ZEB1: variants seen among roughly 807,000 people sequenced by gnomAD.
The protein encoded by ZEB1 is zinc finger E-box-binding homeobox 1.
ZEB1 carries 21 observed loss-of-function variants against 84.9 expected under a neutral mutation model. The ratio of observed to expected loss-of-function variants is 0.25; its 90% CI spans 0.18 to 0.36. The LOEUF (loss-of-function observed/expected upper bound fraction) is 0.36, where lower values mean the gene tolerates loss of function less well. ZEB1 is among the 10% of genes least tolerant of loss of function. The pLI is 1.00. For missense variants in ZEB1, 1,104 were observed against 1,330.2 expected (o/e 0.83, Z 2.65); for synonymous variants, 420 against 471.1 (o/e 0.89, Z 1.41).
At chr10:31,328,866 G>A (rs1156746991) in intron 1 of ZEB1, among the ~76,000 whole-genome samples, 2 of 152,072 alleles carry the variant, frequency 1.3e-5, no homozygotes, top group Non-Finnish European at 1.5e-5. Flanking sequence ...AATAGTCTAA[G>A]CAACATGGAG....
chr10:31,501,841 C>G (rs896825591), intron 3 of ZEB1, among the ~76,000 whole-genome samples: 1 of 152,178 alleles, frequency 6.6e-6, no homozygotes, highest in African/African-American at 2.4e-5. Flanking sequence ...CGCTCGCTCT[C>G]AAATTATTCT....
intron 2 of ZEB1, among the ~76,000 whole-genome samples, chr10:31,474,781 A>G (rs2063823888): frequency 6.6e-6 from 1 of 152,134 alleles, no homozygotes; most frequent in South Asian, 2.1e-4. Flanking sequence ...TTGAGGCACT[A>G]TTCACAATAG....
chr10:31,488,642 C>A (rs1164281532), intron 2 of ZEB1, among the ~76,000 whole-genome samples: 1 of 150,816 alleles, frequency 6.6e-6, no homozygotes, highest in Admixed American at 6.6e-5. Context: ...CTGAGACCTT[C>A]TTTTCTAGCA....
intron 2 of ZEB1, among the ~76,000 whole-genome samples, chr10:31,487,164 G>T (rs866478804): frequency 2.0e-5 from 3 of 151,360 alleles, no homozygotes; most frequent in African/African-American, 4.8e-5. Context: ...ACTGTAGCTT[G>T]ATAGTAAGTC....
At chr10:31,337,043 C>CA (rs922906916) in intron 1 of ZEB1, among the ~76,000 whole-genome samples, 1 of 151,292 alleles carries the variant, frequency 6.6e-6, no homozygotes, top group Non-Finnish European at 1.5e-5. Context: ...AATAACAAAA[C>CA]AAAAAAATAA....
intron 1 of ZEB1, among the ~76,000 whole-genome samples, chr10:31,449,015 G>A (rs1401984695): frequency 1.3e-5 from 2 of 152,210 alleles, no homozygotes; most frequent in Non-Finnish European, 2.9e-5. Flanking sequence ...CCCCAGCCTC[G>A]CTGCCGCCTT....
chr10:31,481,912 A>G (rs531849239), intron 2 of ZEB1, among the ~76,000 whole-genome samples: 1 of 152,210 alleles, frequency 6.6e-6, no homozygotes, highest in Non-Finnish European at 1.5e-5. Flanking sequence ...GTAAATATGG[A>G]AATGGAGACT....
chr10:31,400,060 A>G (rs161280), intron 1 of ZEB1, among the ~76,000 whole-genome samples: 14,445 of 151,998 alleles, frequency 0.095, 1,127 homozygotes, highest in African/African-American at 0.22. Context: ...GATTTCCCCT[A>G]CTTCACCCCA....
intron 6 of ZEB1, among the ~76,000 whole-genome samples, chr10:31,515,371 G>A (rs542541299): frequency 9.2e-5 from 14 of 152,062 alleles, no homozygotes; most frequent in South Asian, 4.1e-4. Context: ...GAACAAAAGC[G>A]CAAAAGGAAA....
chr10:31,452,701 ATGTGTGTGTGTGTGTG>A (rs377004895), intron 1 of ZEB1, among the ~76,000 whole-genome samples: 2 of 90,250 alleles, frequency 2.2e-5, no homozygotes, highest in Admixed American at 1.1e-4. Context: ...TTAGGATAAA[ATGTGTGTGTGTGTGTG>A]TGTGTGTGTG....
intron 3 of ZEB1, among the ~76,000 whole-genome samples, chr10:31,496,627 T>C (rs1028805917): frequency 1.3e-5 from 2 of 152,076 alleles, no homozygotes; most frequent in Admixed American, 1.3e-4. Flanking sequence ...CCTCAAAATA[T>C]TATACTTAAA....
intron 4 of ZEB1, among the ~76,000 whole-genome samples, chr10:31,504,029 T>G (rs1030010231): frequency 1.3e-5 from 2 of 152,054 alleles, no homozygotes; most frequent in African/African-American, 4.8e-5. Context: ...AGCAATAAAG[T>G]CTTTGCCTAC....
At chr10:31,434,380 ATTACT>A (rs1246971170) in intron 1 of ZEB1, among the ~76,000 whole-genome samples, 6 of 152,350 alleles carry the variant, frequency 3.9e-5, no homozygotes, top group Middle Eastern at 3.4e-3. Context: ...AACTAGATAA[ATTACT>A]TAACTTATTT....
At chr10:31,490,115 T>G (rs1257327040) in intron 2 of ZEB1, among the ~76,000 whole-genome samples, 1 of 151,628 alleles carries the variant, frequency 6.6e-6, no homozygotes, top group African/African-American at 2.4e-5. Flanking sequence ...AGTATTTTTT[T>G]AAACTAGTTT....
chr10:31,514,811 A>G, intron 6 of ZEB1, 103 bp downstream of exon 6: 1 of 984,460 alleles, frequency 1.0e-6, no homozygotes, highest in Non-Finnish European at 1.5e-6. Flanking sequence ...AACTCCTTGC[A>G]TTTCTTTTGG....
chr10:31,333,880 T>C (rs1375301507), intron 1 of ZEB1, among the ~76,000 whole-genome samples: 2 of 152,030 alleles, frequency 1.3e-5, no homozygotes, highest in Non-Finnish European at 2.9e-5. Context: ...TTCCTGACAC[T>C]ACTAACCAAT....
intron 1 of ZEB1, among the ~76,000 whole-genome samples, chr10:31,441,199 C>G (rs2058928979): frequency 6.6e-6 from 1 of 152,066 alleles, no homozygotes; most frequent in African/African-American, 2.4e-5. Flanking sequence ...GTACTGGTAC[C>G]AAAACAGAGA....
chr10:31,435,959 G>A (rs1412910481), intron 1 of ZEB1, among the ~76,000 whole-genome samples: 1 of 152,120 alleles, frequency 6.6e-6, no homozygotes, highest in African/African-American at 2.4e-5. Flanking sequence ...GATGATAGAC[G>A]GGATATGAGT....
chr10:31,489,516 GT>G (rs1295130138), intron 2 of ZEB1, among the ~76,000 whole-genome samples: 4 of 150,812 alleles, frequency 2.7e-5, no homozygotes, highest in Non-Finnish European at 5.9e-5. Flanking sequence ...TTTATTATTT[GT>G]TTTTTGTTTT....
Sources: allele counts gnomAD v4.1 joint callset (sites outside exome capture counted in the v4.1 genomes callset), GRCh38; gene constraint gnomAD v4.1.1; transcripts MANE v1.5; gene names NCBI Gene and HGNC (gene_info 2026-07-23, HGNC 2026-07-21).